The following SLC14A2 variants were observed in gnomAD, a reference collection of about 807,000 sequenced individuals.
The protein encoded by SLC14A2 is urea transporter 2.
SLC14A2 carries 91 observed loss-of-function variants against 104.6 expected under a neutral mutation model. The observed-to-expected ratio is 0.87, with a 90% CI of 0.73 to 1.04. The LOEUF (loss-of-function observed/expected upper bound fraction) is 1.04, where lower values mean the gene tolerates loss of function less well. Among genes scored for constraint, SLC14A2 ranks in the 50% least tolerant of loss-of-function variants. SLC14A2 has a pLI of 0.00. For synonymous variants in SLC14A2, 476 were observed against 466.4 expected, an observed-to-expected ratio of 1.02 and a Z score of -0.27; for missense variants, 1,189 against 1,156.0, an observed-to-expected ratio of 1.03 and a Z score of -0.41.
At chr18:45,578,419 C>A (rs1243917705) in intron 2 of SLC14A2, among the ~76,000 whole-genome samples, 1 of 152,218 alleles carries the variant, frequency 6.6e-6, no homozygotes, top group African/African-American at 2.4e-5. Context: ...CCTAAGCATA[C>A]AGTAGCTACT....
At chr18:45,563,397 C>T (rs2044228910) in intron 2 of SLC14A2, among the ~76,000 whole-genome samples, 1 of 152,136 alleles carries the variant, frequency 6.6e-6, no homozygotes, top group African/African-American at 2.4e-5. Context: ...AGAAGGCCCT[C>T]TTGAAGAAAA....
chr18:45,521,368 A>G (rs2043514357), intron 2 of SLC14A2, among the ~76,000 whole-genome samples: 1 of 152,318 alleles, frequency 6.6e-6, no homozygotes, highest in East Asian at 1.9e-4. Context: ...TACATAACTC[A>G]GAAAGAGTGC....
At chr18:45,550,906 G>A (rs1292633166) in intron 2 of SLC14A2, among the ~76,000 whole-genome samples, 1 of 152,144 alleles carries the variant, frequency 6.6e-6, no homozygotes, top group Non-Finnish European at 1.5e-5. Context: ...GAAAATTAAG[G>A]ACTAAGAGCT....
At position 45,582,095 on chromosome 18, in the gene SLC14A2, G is replaced by A. The variant is rs193090504; in HGVS notation, c.-34-42536G>A. ...AGATGAAAAGAGAAAAGGTCTAAAT[G>A]AACATGCATGACATCATTCAGCTCA... On this transcript the variant is annotated intron_variant, in intron 2 of 20. Coordinates refer to the SLC14A2 transcript ENST00000586448. 5.9e-5 allele frequency among the ~76,000 whole-genome samples: 9 copies of A among 152,308 alleles called. No individual in the cohort carries two copies. In the East Asian group the frequency reaches 1.7e-3, roughly 29 times the overall value.
intron 2 of SLC14A2, among the ~76,000 whole-genome samples, chr18:45,608,792 T>C (rs16978426): frequency 0.017 from 2,615 of 152,330 alleles, 65 homozygotes; most frequent in African/African-American, 0.059. Context: ...CTTTGGGAAG[T>C]AGCTTCTTTG....
intron 19 of SLC14A2, among the ~76,000 whole-genome samples, chr18:45,681,734 G>A (rs151005103): frequency 6.7e-4 from 102 of 152,264 alleles, no homozygotes; most frequent in African/African-American, 2.4e-3. Flanking sequence ...TCCCTGGTTT[G>A]TTCCCCAGTT....
At chr18:45,542,209 C>CT (rs1482816935) in intron 2 of SLC14A2, 10 of 151,774 alleles carry the variant, frequency 6.6e-5, no homozygotes, top group African/African-American at 2.4e-4. Context: ...CAATGGGCTT[C>CT]TAATTCTCAG....
At chr18:45,265,368 G>C (rs561176222) in intron 1 of SLC14A2, among the ~76,000 whole-genome samples, 1 of 152,144 alleles carries the variant, frequency 6.6e-6, no homozygotes, top group South Asian at 2.1e-4. Context: ...CAATTAAATG[G>C]GCCATCTTGT....
At chr18:45,298,928 T>G (rs528125296) in intron 1 of SLC14A2, among the ~76,000 whole-genome samples, 1 of 152,122 alleles carries the variant, frequency 6.6e-6, no homozygotes, top group Non-Finnish European at 1.5e-5. Flanking sequence ...AGACATAGTC[T>G]GGAGTTGAGT....
intron 1 of SLC14A2, among the ~76,000 whole-genome samples, chr18:45,228,275 C>T (rs2144014023): frequency 6.6e-6 from 1 of 152,314 alleles, no homozygotes; most frequent in Non-Finnish European, 1.5e-5. Context: ...ATTACTGTGA[C>T]AGTGGTTCTA....
At chr18:45,639,445 G>T (rs1386947049) in intron 6 of SLC14A2, among the ~76,000 whole-genome samples, 1 of 152,134 alleles carries the variant, frequency 6.6e-6, no homozygotes, top group African/African-American at 2.4e-5. Flanking sequence ...GGCATTCTAG[G>T]GAGGAGGTGC....
chr18:45,424,653 A>G (rs1165103032), intron 1 of SLC14A2, among the ~76,000 whole-genome samples: 5 of 152,220 alleles, frequency 3.3e-5, no homozygotes, highest in African/African-American at 1.2e-4. Context: ...ACTTTCAAAC[A>G]TGCTGTGAAG....
chr18:45,180,824 A>T, the SLC14A2 span, among the ~76,000 whole-genome samples: 2 of 152,224 alleles, frequency 1.3e-5, no homozygotes, highest in African/African-American at 2.4e-5. Flanking sequence ...GGACATATAA[A>T]ATCAAACAAT....
intron 1 of SLC14A2, among the ~76,000 whole-genome samples, chr18:45,297,451 G>A (rs949541418): frequency 6.6e-6 from 1 of 152,228 alleles, no homozygotes; most frequent in Non-Finnish European, 1.5e-5. Context: ...TAATGCAGAT[G>A]AGAGTGTTTG....
Position 45,278,047 on chromosome 18 carries a change from G to A in SLC14A2, c.-125+64856G>A, listed in dbSNP as rs572614823. On this transcript the variant is annotated intron_variant, in intron 1 of 20. Coordinates refer to the SLC14A2 transcript ENST00000586448. ...GGTCAAACTCATGTATAGTTAGGGCGTTCCCCAAACACTCCTAAATTCTGT... is the reference window on the plus strand; with the variant it reads ...GGTCAAACTCATGTATAGTTAGGGCATTCCCCAAACACTCCTAAATTCTGT... 3.9e-5 allele frequency among the ~76,000 whole-genome samples: 6 copies of A among 152,224 alleles called. No individual in the cohort carries two copies. In the South Asian group the frequency reaches 8.3e-4, roughly 21 times the overall value.
At chr18:45,200,490 T>C in the SLC14A2 span, among the ~76,000 whole-genome samples, 1 of 152,240 alleles carries the variant, frequency 6.6e-6, no homozygotes, top group African/African-American at 2.4e-5. Context: ...AAAGTTCTGC[T>C]GTGTGTATAA....
intron 1 of SLC14A2, among the ~76,000 whole-genome samples, chr18:45,336,136 A>G (rs528450517): frequency 1.3e-5 from 2 of 152,254 alleles, no homozygotes; most frequent in South Asian, 4.2e-4. Flanking sequence ...TTGAAAATGG[A>G]CCAATTAATT....
chr18:45,522,856 G>A (rs1250289507), intron 2 of SLC14A2, among the ~76,000 whole-genome samples: 1 of 152,158 alleles, frequency 6.6e-6, no homozygotes, highest in Non-Finnish European at 1.5e-5. Context: ...ATACCCTGTT[G>A]CCTTGGGCAA....
At chr18:45,547,734 T>C (rs1568271017) in intron 2 of SLC14A2, among the ~76,000 whole-genome samples, 1 of 152,186 alleles carries the variant, frequency 6.6e-6, no homozygotes, top group Admixed American at 6.5e-5. Context: ...TGAAGGTGGC[T>C]GGTAAAATAC....
Sources: allele counts gnomAD v4.1 joint callset (sites outside exome capture counted in the v4.1 genomes callset), GRCh38; gene constraint gnomAD v4.1.1; transcripts MANE v1.5; gene names NCBI Gene and HGNC (gene_info 2026-07-23, HGNC 2026-07-21).